The following PRIM2 variants were observed in gnomAD, a reference collection of about 807,000 sequenced individuals.
PRIM2 encodes DNA primase subunit 2.
Under a neutral mutation model 67.3 loss-of-function variants are expected in PRIM2, and 39 were observed. That is an observed-to-expected ratio of 0.58 (90% CI 0.45 to 0.76). PRIM2 has a LOEUF of 0.76. Ranked by LOEUF, PRIM2 falls within the 30% of genes least tolerant of loss-of-function variation. The pLI is 0.00. For missense variants in PRIM2, 398 were observed against 598.7 expected (o/e 0.66, Z 3.50); for synonymous variants, 143 against 198.7 (o/e 0.72, Z 2.36).
At chr6:57,608,446 T>A (rs1270372215) in intron 12 of PRIM2, among the ~76,000 whole-genome samples, 1 of 152,136 alleles carries the variant, frequency 6.6e-6, no homozygotes, top group Non-Finnish European at 1.5e-5. Context: ...AAAAAATGTG[T>A]CAGGCCAGGT....
chr6:57,431,493 C>CA (rs1771825217), intron 7 of PRIM2, among the ~76,000 whole-genome samples: 2 of 151,986 alleles, frequency 1.3e-5, no homozygotes, highest in South Asian at 4.1e-4. Context: ...ATCTCTCCTA[C>CA]AAAAAAATTA....
At chr6:57,298,531 G>A in the PRIM2 span, among the ~76,000 whole-genome samples, 5 of 152,028 alleles carry the variant, frequency 3.3e-5, no homozygotes, top group Admixed American at 3.3e-4. Context: ...ATGGCCCTGG[G>A]AAGCAGGGCT....
At chr6:57,501,531 C>A (rs1174511302) in intron 7 of PRIM2, among the ~76,000 whole-genome samples, 1 of 152,120 alleles carries the variant, frequency 6.6e-6, no homozygotes, top group East Asian at 1.9e-4. Context: ...AACTCCTGAC[C>A]TCAGGTGATC....
At chr6:57,406,933 C>T (rs1348320031) in intron 7 of PRIM2, among the ~76,000 whole-genome samples, 6 of 150,512 alleles carry the variant, frequency 4.0e-5, no homozygotes, top group Non-Finnish European at 8.9e-5. Context: ...GCAAAACAGC[C>T]AGGTGAACAG....
chr6:57,272,048 C>A, the PRIM2 span, among the ~76,000 whole-genome samples: 2 of 152,110 alleles, frequency 1.3e-5, no homozygotes, highest in Admixed American at 6.6e-5. Context: ...TTACTTCCAA[C>A]TATGTGGTCG....
intron 7 of PRIM2, among the ~76,000 whole-genome samples, chr6:57,459,120 A>G (rs1772912454): frequency 6.6e-6 from 1 of 152,128 alleles, no homozygotes; most frequent in South Asian, 2.1e-4. Context: ...TTGTTTTGTG[A>G]TTTTTGCATC....
chr6:57,470,352 T>C (rs1773306387), intron 7 of PRIM2, among the ~76,000 whole-genome samples: 1 of 139,432 alleles, frequency 7.2e-6, no homozygotes, highest in East Asian at 2.2e-4. Flanking sequence ...CACAAATTAG[T>C]TGGCTTGGGT....
chr6:57,484,926 G>A (rs1195593401), intron 7 of PRIM2, among the ~76,000 whole-genome samples: 1 of 152,132 alleles, frequency 6.6e-6, no homozygotes, highest in Admixed American at 6.5e-5. Context: ...ACCATTAGAA[G>A]ACAGGGACTT....
intron 7 of PRIM2, among the ~76,000 whole-genome samples, chr6:57,407,587 T>G (rs1180288294): frequency 6.6e-6 from 1 of 152,242 alleles, no homozygotes; most frequent in Admixed American, 6.5e-5. Context: ...GGAATTTATT[T>G]ATCCTTCAAA....
At position 57,345,833 on chromosome 6, in the gene PRIM2, ATTC is replaced by A. The variant is rs1768657611; in HGVS notation, c.459+19791_459+19793del. Among the ~76,000 whole-genome samples the A allele has an allele frequency of 2.6e-5, 4 of 152,212 alleles. No individual in the cohort carries two copies. In the South Asian group the frequency reaches 8.3e-4, roughly 32 times the overall value. On this transcript the variant is annotated intron_variant, in intron 5 of 13. Transcript: ENST00000615550. ...TCATATGCTAAACAAGAGGTGGATTATTCTTGAGTTTTCTAGGGAAGAGATGGA... is the reference window on the plus strand; with the variant it reads ...TCATATGCTAAACAAGAGGTGGATTATTGAGTTTTCTAGGGAAGAGATGGA...
At chr6:57,579,826 G>C (rs1455542693) in intron 10 of PRIM2, among the ~76,000 whole-genome samples, 1 of 151,966 alleles carries the variant, frequency 6.6e-6, no homozygotes, top group Non-Finnish European at 1.5e-5. Context: ...ATAAAAGCAA[G>C]GGGAATTTAA....
At chr6:57,622,522 T>G (rs1776878040) in intron 12 of PRIM2, among the ~76,000 whole-genome samples, 1 of 152,214 alleles carries the variant, frequency 6.6e-6, no homozygotes. Context: ...AGGCTATTCA[T>G]TTTTCAAGAT....
chr6:57,630,401 G>A lies in PRIM2; in HGVS notation c.1231-1732G>A, dbSNP rs1777021291. Reference sequence around the variant, plus strand: ...TTAATTTAAATTTAATTTTTTTATGGACCCTAAAAATTGAACCTAAAATTT... The same window carrying A: ...TTAATTTAAATTTAATTTTTTTATGAACCCTAAAAATTGAACCTAAAATTT... On this transcript the variant is annotated intron_variant, in intron 12 of 13. Transcript: ENST00000615550. Among the ~76,000 whole-genome samples the A allele has an allele frequency of 2.6e-4, 39 of 151,978 alleles. 1 individual carries two copies. In the South Asian group the frequency reaches 8.1e-3, roughly 32 times the overall value.
intron 7 of PRIM2, chr6:57,493,983 G>A (rs1224123559): frequency 6.6e-6 from 1 of 152,156 alleles, no homozygotes; most frequent in Admixed American, 6.5e-5. Flanking sequence ...TAATGTTATT[G>A]GAAAGTAGTC....
At chr6:57,516,248 G>T (rs1554348256) in intron 8 of PRIM2, among the ~76,000 whole-genome samples, 2 of 152,146 alleles carry the variant, frequency 1.3e-5, no homozygotes, top group Non-Finnish European at 2.9e-5. Context: ...CCCTTTTACC[G>T]TGTAACCTAA....
intron 10 of PRIM2, among the ~76,000 whole-genome samples, chr6:57,564,108 C>T (rs1775691855): frequency 1.3e-5 from 2 of 152,044 alleles, no homozygotes; most frequent in Non-Finnish European, 2.9e-5. Context: ...TTAATTATGC[C>T]CTTTAGCTAG....
At chr6:57,376,663 A>G (rs4479936) in intron 5 of PRIM2, among the ~76,000 whole-genome samples, 5 of 152,214 alleles carry the variant, frequency 3.3e-5, no homozygotes, top group Non-Finnish European at 5.9e-5. Flanking sequence ...AACATTTACA[A>G]TATTAAGTTT....
intron 7 of PRIM2, among the ~76,000 whole-genome samples, chr6:57,465,840 C>A (rs918503123): frequency 2.2e-5 from 3 of 137,494 alleles, no homozygotes; most frequent in African/African-American, 3.1e-5. Flanking sequence ...TATAATTATA[C>A]TTATAAGTTC....
At chr6:57,528,600 T>C (rs1581971457) in intron 8 of PRIM2, among the ~76,000 whole-genome samples, 1 of 152,238 alleles carries the variant, frequency 6.6e-6, no homozygotes, top group African/African-American at 2.4e-5. Context: ...ATTCTGTTTG[T>C]ACATCATTTT....
Sources: allele counts gnomAD v4.1 joint callset (sites outside exome capture counted in the v4.1 genomes callset), GRCh38; gene constraint gnomAD v4.1.1; transcripts MANE v1.5; gene names NCBI Gene and HGNC (gene_info 2026-07-23, HGNC 2026-07-21).